The following UBAP2L variants were observed in gnomAD, a reference collection of about 807,000 sequenced individuals.
The protein encoded by UBAP2L is ubiquitin associated protein 2 like.
UBAP2L carries 12 observed loss-of-function variants against 130.6 expected under a neutral mutation model. The observed-to-expected ratio is 0.09, with a 90% CI of 0.06 to 0.15. The LOEUF (loss-of-function observed/expected upper bound fraction) is 0.15, where lower values mean the gene tolerates loss of function less well. Ranked by LOEUF, UBAP2L falls within the 10% of genes least tolerant of loss-of-function variation. The pLI is 1.00. For synonymous variants in UBAP2L, 503 were observed against 524.7 expected, an observed-to-expected ratio of 0.96 and a Z score of 0.57; for missense variants, 965 against 1,332.5, an observed-to-expected ratio of 0.72 and a Z score of 4.29.
chr1:154,260,660 G>C (rs1425662619), intron 22 of UBAP2L, among the ~76,000 whole-genome samples: 1 of 152,190 alleles, frequency 6.6e-6, no homozygotes, highest in Non-Finnish European at 1.5e-5. Flanking sequence ...TATTCCAAGA[G>C]CCTCCTGCCA....
At chr1:154,228,510 G>GT (rs1668729445) in intron 3 of UBAP2L, 105 bp from the exon 4 acceptor site, 4 of 869,378 alleles carry the variant, frequency 4.6e-6, no homozygotes, top group African/African-American at 1.7e-5. Context: ...TTTTAAACTT[G>GT]TTTTTTTCAA....
intron 8 of UBAP2L, among the ~76,000 whole-genome samples, chr1:154,239,492 TTGACAG>T (rs1208939720): frequency 6.6e-6 from 1 of 152,222 alleles, no homozygotes; most frequent in Non-Finnish European, 1.5e-5. Flanking sequence ...TAATGAATAT[TTGACAG>T]TTACACTGAT....
upstream of UBAP2L, chr1:154,220,593 C>T (rs976809223): frequency 6.4e-6 from 4 of 623,662 alleles, no homozygotes; most frequent in Admixed American, 5.7e-5. Flanking sequence ...GAAAGGAGAA[C>T]GACGCCTTCC....
rs1161956451 is a variant in UBAP2L at position 154,258,851 on chromosome 1, T to C, written c.2443-126T>C. On this transcript the variant is annotated intron_variant, in intron 20 of 26. Transcript: ENST00000428931. ...TTTCCTTAAATAAAATTGAAGGAAA[T>C]AATCCGTGTCCTGTTCTAACCCAGA... 5.6e-6 allele frequency: 4 copies of C among 710,788 alleles called. No homozygotes were observed. In the East Asian group the frequency reaches 1.1e-4, roughly 19 times the overall value. The allele number at this position is 710,788 out of a possible 1,614,324, so 44.0% of individuals were successfully genotyped here.
chr1:154,255,735 A>G lies in UBAP2L; in HGVS notation c.2137A>G (p.Thr713Ala), dbSNP rs751165664. 4 of 1,614,216 alleles carry G rather than the reference A, an allele frequency of 2.5e-6. No homozygotes were observed. The highest frequency in any genetic ancestry group is 4.5e-5 in the East Asian group (2 of 44,888). Residue 713 changes from threonine to alanine, a missense_variant, in exon 18 of 27, where the codon ACT becomes GCT. By Grantham distance (58) the Thr-to-Ala change is moderately conservative (BLOSUM62 0). This residue lies in a region of UBAP2L where 393 missense variants were observed against 408.1 expected (regional missense o/e 0.96). Coordinates refer to ENST00000428931, the MANE Select transcript of UBAP2L (RefSeq NM_014847.4). ...TTCATCATCAACATCTTCTGGGCGC[A>G]CTTCGACATCCACTCTTTTGGTAAG... ...TLSSSTSSGR[T>A]STSTLLHTSV...
chr1:154,223,731 G>T (rs912593168), intron 1 of UBAP2L, among the ~76,000 whole-genome samples: 1 of 152,062 alleles, frequency 6.6e-6, no homozygotes, highest in African/African-American at 2.4e-5. Flanking sequence ...ACCTATTGAC[G>T]CAACTTGGTG....
chr1:154,253,149 G>A (rs1327988442), intron 14 of UBAP2L, among the ~76,000 whole-genome samples: 1 of 151,758 alleles, frequency 6.6e-6, no homozygotes, highest in African/African-American at 2.4e-5. Flanking sequence ...GATTACAGGC[G>A]CCCACCACCA....
At chr1:154,253,194 A>G (rs1678395225) in intron 14 of UBAP2L, among the ~76,000 whole-genome samples, 2 of 150,548 alleles carry the variant, frequency 1.3e-5, no homozygotes, top group East Asian at 2.0e-4. Flanking sequence ...AGTAGAGACA[A>G]GGTTTCGCCA....
intron 24 of UBAP2L, among the ~76,000 whole-genome samples, chr1:154,262,265 T>C (rs1681812321): frequency 6.6e-6 from 1 of 152,226 alleles, no homozygotes; most frequent in Non-Finnish European, 1.5e-5. Context: ...TTTAGGTTCC[T>C]TCATTTGTAT....
At chr1:154,252,599 G>T (rs948761934) in intron 14 of UBAP2L, among the ~76,000 whole-genome samples, 1 of 149,426 alleles carries the variant, frequency 6.7e-6, no homozygotes, top group South Asian at 2.1e-4. Context: ...TGCTCTTGTT[G>T]CCCAGGCTGA....
chr1:154,220,308 C>G, upstream of UBAP2L: 1 of 1,612,130 alleles, frequency 6.2e-7, no homozygotes, highest in Non-Finnish European at 8.5e-7. Flanking sequence ...GGGTAAGATG[C>G]GACAGCAGGA....
Position 154,232,029 on chromosome 1 carries a change from AAGAT to A in UBAP2L, c.280-2560_280-2557del, listed in dbSNP as rs1372626897. On this transcript the variant is annotated intron_variant, in intron 4 of 26. Transcript: ENST00000428931. ...TAGGGCCATGATTGAGTTTGATGGT[AAGAT>A]AATAAAGATCTGAGGCTGTGCACAG... Among the ~76,000 whole-genome samples the A allele has an allele frequency of 2.6e-5, 4 of 152,130 alleles. No individual in the cohort carries two copies. The East Asian group carries it at 5.8e-4, about 22-fold the overall frequency.
chr1:154,225,232 A>T lies in UBAP2L; in HGVS notation c.90+19A>T. On this transcript the variant is annotated intron_variant, in intron 2 of 26. Coordinates refer to ENST00000428931, the MANE Select transcript of UBAP2L (RefSeq NM_014847.4). ...GCCACAGGTAAATAATCCAAGGCAT[A>T]CGGATTCATGGATAGCGTTGCCTGC... 2.5e-6 allele frequency: 4 copies of T among 1,612,638 alleles called. No individual in the cohort carries two copies. The highest frequency in any genetic ancestry group is 3.4e-6 in the Non-Finnish European group (4 of 1,178,914).
chr1:154,270,344 C>T lies in UBAP2L; in HGVS notation c.*49C>T. The T allele has an allele frequency of 2.5e-6, 4 of 1,612,484 alleles. No homozygotes were observed. The highest frequency in any genetic ancestry group is 3.4e-6 in the Non-Finnish European group (4 of 1,179,534). ...CCCATCTTCTGAGAGGGCTTCTCAGCCTGGAAACTATGGAAACAGCATCAA... is the reference window on the plus strand; with the variant it reads ...CCCATCTTCTGAGAGGGCTTCTCAGTCTGGAAACTATGGAAACAGCATCAA... On this transcript the variant is annotated 3_prime_UTR_variant, in exon 27 of 27. Coordinates refer to ENST00000428931, the MANE Select transcript of UBAP2L (RefSeq NM_014847.4).
intron 25 of UBAP2L, 33 bp from the exon 26 acceptor site, chr1:154,268,724 T>A: frequency 6.2e-7 from 1 of 1,608,716 alleles, no homozygotes. Flanking sequence ...TGCTGATCCC[T>A]TTTACTCTGT....
At chr1:154,220,288 G>A, upstream of UBAP2L, 1 of 1,596,086 alleles carries the variant, frequency 6.3e-7, no homozygotes, top group South Asian at 1.1e-5. Flanking sequence ...TCAAAAGGAG[G>A]GTCTCTACTG....
At chr1:154,226,904 C>A (rs1272156646) in intron 2 of UBAP2L, among the ~76,000 whole-genome samples, 2 of 152,082 alleles carry the variant, frequency 1.3e-5, no homozygotes, top group African/African-American at 4.8e-5. Flanking sequence ...TTCACTGCAA[C>A]CTCCTCCTCC....
At chr1:154,241,875 G>A (rs139005335) in intron 9 of UBAP2L, 1 of 604,232 alleles carries the variant, frequency 1.7e-6, no homozygotes, top group Non-Finnish European at 2.1e-6. Context: ...GTGGAGTTAG[G>A]CAGGTAGTGC....
chr1:154,257,711 G>T, intron 20 of UBAP2L: 2 of 414,696 alleles, frequency 4.8e-6, no homozygotes, highest in Non-Finnish European at 8.7e-6. Flanking sequence ...AATAAATGAG[G>T]GATTGCCACA....
Sources: allele counts gnomAD v4.1 joint callset (sites outside exome capture counted in the v4.1 genomes callset), GRCh38; gene constraint gnomAD v4.1.1; regional missense constraint gnomAD v4.1.1; transcripts MANE v1.5; gene names NCBI Gene and HGNC (gene_info 2026-07-23, HGNC 2026-07-21).